Variants in CDH13 observed in about 807,000 individuals in gnomAD.
CDH13 encodes the protein cadherin 13.
Under a neutral mutation model 63.8 loss-of-function variants are expected in CDH13, and 24 were observed. The observed-to-expected ratio is 0.38, with a 90% CI of 0.27 to 0.53. The LOEUF is 0.53. Ranked by LOEUF, CDH13 falls within the 20% of genes least tolerant of loss-of-function variation. The pLI, the probability that CDH13 is intolerant of heterozygous loss-of-function variation, is 0.85. For missense variants in CDH13, 1,049 were observed against 903.1 expected, an observed-to-expected ratio of 1.16 and a Z score of -2.07; for synonymous variants, 503 against 355.3, an observed-to-expected ratio of 1.42 and a Z score of -4.67.
At position 83,316,930 on chromosome 16, in the gene CDH13, C is replaced by T. The variant is rs1038250744; in HGVS notation, c.637-27932C>T. 5.9e-5 allele frequency among the ~76,000 whole-genome samples: 9 copies of T among 152,232 alleles called. No individual in the cohort carries two copies. The South Asian group carries it at 6.2e-4, about 11-fold the overall frequency. On this transcript the variant is annotated intron_variant, in intron 5 of 13. Coordinates refer to ENST00000567109, the MANE Select transcript of CDH13 (RefSeq NM_001257.5). ...CTGATCTGGGTTCTGGTGGATTCCA[C>T]GGCTTCGCCTTTCTTCTTGAACAAG...
chr16:83,702,306 C>T (rs1296710689), intron 10 of CDH13, among the ~76,000 whole-genome samples: 2 of 152,152 alleles, frequency 1.3e-5, no homozygotes, highest in Non-Finnish European at 2.9e-5. Flanking sequence ...CCTCAAATCT[C>T]AATGGCTTAA....
At chr16:82,812,973 A>G (rs2037521464) in intron 1 of CDH13, among the ~76,000 whole-genome samples, 1 of 152,106 alleles carries the variant, frequency 6.6e-6, no homozygotes, top group South Asian at 2.1e-4. Flanking sequence ...AGACTTCAAA[A>G]CATAAGAGGG....
intron 4 of CDH13, among the ~76,000 whole-genome samples, chr16:83,171,789 C>T (rs1236785072): frequency 1.3e-5 from 2 of 152,078 alleles, no homozygotes; most frequent in Non-Finnish European, 2.9e-5. Context: ...TTAACAGTTT[C>T]CTGACATCTT....
chr16:83,260,141 C>T (rs1456447305), intron 5 of CDH13, among the ~76,000 whole-genome samples: 1 of 149,378 alleles, frequency 6.7e-6, no homozygotes, highest in African/African-American at 2.5e-5. Context: ...CACACACACA[C>T]ACGCTCTCTC....
intron 6 of CDH13, among the ~76,000 whole-genome samples, chr16:83,411,027 T>A (rs913009015): frequency 9.9e-5 from 15 of 152,178 alleles, no homozygotes; most frequent in Non-Finnish European, 1.8e-4. Flanking sequence ...CTCTCCCATA[T>A]CCAGTTGGTC....
Position 83,669,411 on chromosome 16 carries a change from T to C in CDH13, c.1102-1379T>C, listed in dbSNP as rs544184299. Among the ~76,000 whole-genome samples the C allele has an allele frequency of 2.0e-5, 3 of 152,320 alleles. No individual in the cohort carries two copies. In the South Asian group the frequency reaches 6.2e-4, roughly 32 times the overall value. ...TTCTTGCTCAAGAATTCTATGATTT[T>C]TGTGAGAAGAGAAGATAGAAGATAG... On this transcript the variant is annotated intron_variant, in intron 8 of 13. Coordinates refer to ENST00000567109, the MANE Select transcript of CDH13 (RefSeq NM_001257.5).
chr16:82,797,259 C>G (rs754289160), intron 1 of CDH13, among the ~76,000 whole-genome samples: 45 of 152,252 alleles, frequency 3.0e-4, no homozygotes, highest in Non-Finnish European at 8.8e-5. Flanking sequence ...TTTGCTATAA[C>G]CCAGCTCTTG....
At chr16:83,273,491 C>G (rs568022791) in intron 5 of CDH13, among the ~76,000 whole-genome samples, 10 of 152,106 alleles carry the variant, frequency 6.6e-5, no homozygotes, top group African/African-American at 2.4e-4. Context: ...TAGGTGGCAG[C>G]TGGATAAAGA....
intron 1 of CDH13, chr16:82,829,740 T>C (rs1393981338): frequency 6.6e-6 from 1 of 152,208 alleles, no homozygotes; most frequent in African/African-American, 2.4e-5. Flanking sequence ...GATATCAAAA[T>C]ACTTTATAAA....
chr16:83,558,647 T>G (rs1254021013), intron 7 of CDH13, among the ~76,000 whole-genome samples: 1 of 152,254 alleles, frequency 6.6e-6, no homozygotes, highest in Non-Finnish European at 1.5e-5. Context: ...TTCCCTTTTT[T>G]TTCAAAAGCT....
chr16:83,410,690 G>C (rs192287427), intron 6 of CDH13, among the ~76,000 whole-genome samples: 298 of 152,132 alleles, frequency 2.0e-3, no homozygotes, highest in African/African-American at 6.8e-3. Flanking sequence ...ATAGAAATTA[G>C]TTCTTTATTC....
intron 3 of CDH13, among the ~76,000 whole-genome samples, chr16:83,081,229 C>A (rs1205582467): frequency 6.6e-6 from 1 of 151,956 alleles, no homozygotes; most frequent in Non-Finnish European, 1.5e-5. Context: ...TCAGTCTAGC[C>A]ATTGAATCGT....
intron 6 of CDH13, among the ~76,000 whole-genome samples, chr16:83,373,882 A>G (rs9928329): frequency 0.42 from 63,707 of 152,020 alleles, 13,798 homozygotes; most frequent in Middle Eastern, 0.49. Context: ...AACAGAGACC[A>G]CCAGCATGGG....
chr16:83,583,654 T>C lies in CDH13; in HGVS notation c.961-18800T>C, dbSNP rs139514794. ...GTGATTTGGTGGCTCACGCCTATAA[T>C]CCCAGCACTTTGGGAGGCCAAGGTG... On this transcript the variant is annotated intron_variant, in intron 7 of 13. Coordinates refer to ENST00000567109, the MANE Select transcript of CDH13 (RefSeq NM_001257.5). 2.8e-4 allele frequency among the ~76,000 whole-genome samples: 43 copies of C among 152,210 alleles called. No homozygotes were observed. In the East Asian group the frequency reaches 8.3e-3, roughly 29 times the overall value.
chr16:82,719,839 C>A (rs2032645753), intron 1 of CDH13, among the ~76,000 whole-genome samples: 1 of 105,400 alleles, frequency 9.5e-6, no homozygotes, highest in African/African-American at 3.9e-5. Context: ...GAGAGAGACT[C>A]TGTCTCAAAA....
intron 1 of CDH13, among the ~76,000 whole-genome samples, chr16:82,706,552 G>C (rs553293674): frequency 6.6e-6 from 1 of 151,962 alleles, no homozygotes; most frequent in Non-Finnish European, 1.5e-5. Context: ...GAAATGCAGA[G>C]GTCAGCGGAG....
chr16:82,950,464 C>G (rs569242472), intron 2 of CDH13, among the ~76,000 whole-genome samples: 1 of 152,120 alleles, frequency 6.6e-6, no homozygotes, highest in African/African-American at 2.4e-5. Flanking sequence ...GTGGTTTCTA[C>G]CATACTGTTC....
intron 11 of CDH13, among the ~76,000 whole-genome samples, chr16:83,765,186 C>A (rs1914282609): frequency 6.6e-6 from 1 of 152,214 alleles, no homozygotes; most frequent in South Asian, 2.1e-4. Flanking sequence ...GGCACCTGTA[C>A]CATTGACATT....
intron 8 of CDH13, among the ~76,000 whole-genome samples, chr16:83,645,786 G>C (rs1349219735): frequency 6.6e-6 from 1 of 152,030 alleles, no homozygotes; most frequent in Non-Finnish European, 1.5e-5. Context: ...CAGGAGGAGA[G>C]GAGGCATCAT....
Sources: allele counts gnomAD v4.1 joint callset (sites outside exome capture counted in the v4.1 genomes callset), GRCh38; gene constraint gnomAD v4.1.1; transcripts MANE v1.5; gene names NCBI Gene and HGNC (gene_info 2026-07-23, HGNC 2026-07-21).